The following LCN8 variants were observed in gnomAD, a reference collection of about 807,000 sequenced individuals.
LCN8 encodes epididymal-specific lipocalin-8.
Under a neutral mutation model 22.8 loss-of-function variants are expected in LCN8, and 16 were observed. That is an observed-to-expected ratio of 0.70 (90% CI 0.47 to 1.06). The LOEUF (loss-of-function observed/expected upper bound fraction) is 1.06. Ranked by LOEUF, LCN8 falls within the 50% of genes least tolerant of loss-of-function variation. The pLI, the probability that LCN8 is intolerant of heterozygous loss-of-function variation, is 0.00. For missense variants in LCN8, 189 were observed against 203.3 expected, an observed-to-expected ratio of 0.93 and a Z score of 0.43; for synonymous variants, 92 against 83.4, an observed-to-expected ratio of 1.10 and a Z score of -0.56.
At chr9:136,756,312 G>C in intron 3 of LCN8, 1 of 1,527,556 alleles carries the variant, frequency 6.5e-7, no homozygotes, top group South Asian at 1.2e-5. Context: ...ACAGCATGTG[G>C]AACAGTGCAG....
At chr9:136,758,512 A>G (rs1378652384), upstream of LCN8, 3 of 990,718 alleles carry the variant, frequency 3.0e-6, no homozygotes, top group African/African-American at 5.2e-5. Context: ...AGTGACAGTG[A>G]CAGTGGGGAG....
chr9:136,755,347 G>T lies in LCN8; in HGVS notation c.332-14C>A, dbSNP rs777297730. The T allele has an allele frequency of 2.5e-6, 4 of 1,610,094 alleles. No individual in the cohort carries two copies. The highest frequency in any genetic ancestry group is 1.7e-6 in the Non-Finnish European group (2 of 1,179,932). On this transcript the variant is annotated splice_polypyrimidine_tract_variant and intron_variant, in intron 4 of 6. Transcript: ENST00000371688. ...CAAGGCTCCGAGCTGTGGGGCACAG[G>T]GGGGCTGGGCGGGCAGTCCCTGGGA...
Position 136,758,033 on chromosome 9 carries a change from C to T in LCN8, c.-103G>A. ...CCGGGCTCCGGGTTCCCCTGCTGCA[C>T]AGCCTGGGCCGATTCTATACGGACA... On this transcript the variant is annotated 5_prime_UTR_variant, in exon 1 of 7. In the 5' UTR this introduces an upstream ATG that the reference lacks. Transcript: ENST00000371688. 6.4e-7 allele frequency: 1 copy of T among 1,555,376 alleles called. No individual in the cohort carries two copies. Among genetic ancestry groups the T allele is most frequent in the Non-Finnish European group, 8.7e-7 (1 of 1,152,544 alleles).
Position 136,754,845 on chromosome 9 carries a change from T to A in LCN8, c.447+290A>T. 2.2e-6 allele frequency: 3 copies of A among 1,350,802 alleles called. 1 individual carries two copies. The South Asian group carries it at 6.2e-5, about 28-fold the overall frequency. 83.7% of individuals were successfully genotyped at this position (1,350,802 alleles called of 1,614,324 possible). On this transcript the variant is annotated intron_variant, in intron 6 of 6. Transcript: ENST00000371688. The stretch of plus-strand genomic sequence containing the variant: ...CAGAACACCGAAGAAAAGGCGCCAT[T>A]TCTGCTCCCCTGCCCCACCCAGCTC...
At chr9:136,754,723 G>A (rs1183433934) in intron 6 of LCN8, 8 of 1,406,232 alleles carry the variant, frequency 5.7e-6, no homozygotes, top group African/African-American at 1.5e-5. Context: ...CTGGGTTCTC[G>A]CAGTGCCCAA....
intron 1 of LCN8, chr9:136,757,451 C>G: frequency 7.3e-7 from 1 of 1,365,278 alleles, no homozygotes; most frequent in Non-Finnish European, 9.4e-7. Flanking sequence ...TGCGACATGT[C>G]GGGAGGAACC....
At chr9:136,757,425 CA>C (rs1467716488) in intron 1 of LCN8, 36 of 1,408,242 alleles carry the variant, frequency 2.6e-5, no homozygotes, top group Non-Finnish European at 3.0e-5. Flanking sequence ...AGCTGCGGAA[CA>C]GTCCCTAGGG....
rs758727993 is a variant in LCN8, at chr9:136,755,118, T to A, written c.447+17A>T. Reference sequence around the variant, plus strand: ...CCGGGAACTTCAGCACAGGCCAGGGTCGGGGGTCAGGCTCACCTCCTTCAG... The same window carrying A: ...CCGGGAACTTCAGCACAGGCCAGGGACGGGGGTCAGGCTCACCTCCTTCAG... On this transcript the variant is annotated intron_variant, in intron 6 of 6. Transcript: ENST00000371688. The A allele has an allele frequency of 1.3e-6, 2 of 1,546,388 alleles. No individual in the cohort carries two copies. The highest frequency in any genetic ancestry group is 1.7e-6 in the Non-Finnish European group (2 of 1,145,996).
Position 136,758,071 on chromosome 9 carries a change from G to A in LCN8, c.-141C>T. The A allele has an allele frequency of 6.7e-7, 1 of 1,497,102 alleles. No individual in the cohort carries two copies. Among genetic ancestry groups the A allele is most frequent in the East Asian group, 2.5e-5 (1 of 40,110 alleles). 92.7% of individuals were successfully genotyped at this position (1,497,102 alleles called of 1,614,324 possible). A position where few individuals can be genotyped will look rare whatever the true frequency, so the allele number is the denominator to read the frequency against. On this transcript the variant is annotated 5_prime_UTR_variant, in exon 1 of 7. Coordinates refer to ENST00000371688, the MANE Select transcript of LCN8 (RefSeq NM_178469.4). ...TTCTATACGGACAGTGCAGGCTTGTGCGCCCACCCGGGAATGTCATCAGGA... is the reference window on the plus strand; with the variant it reads ...TTCTATACGGACAGTGCAGGCTTGTACGCCCACCCGGGAATGTCATCAGGA...
intron 6 of LCN8, 27 bp from the exon 7 acceptor site, chr9:136,754,536 G>C: frequency 6.5e-7 from 1 of 1,550,262 alleles, no homozygotes; most frequent in Non-Finnish European, 8.7e-7. Context: ...CAGGGGCTCA[G>C]GCCCGTGTGG....
Position 136,755,235 on chromosome 9 carries a change from T to G in LCN8, c.421+9A>C. Reference sequence around the variant, plus strand: ...AGCCCAGCCTCCACCCCAAGGCCCCTGGGCTCACCAGGCCGGGCCGCCAGG... The same window carrying G: ...AGCCCAGCCTCCACCCCAAGGCCCCGGGGCTCACCAGGCCGGGCCGCCAGG... On this transcript the variant is annotated intron_variant, in intron 5 of 6. Transcript: ENST00000371688. The G allele has an allele frequency of 3.7e-6, 6 of 1,612,570 alleles. No homozygotes were observed. The highest frequency in any genetic ancestry group is 5.1e-6 in the Non-Finnish European group (6 of 1,179,814).
In LCN8 at chr9:136,756,965, C is replaced by T. The variant is rs1847222399; in HGVS notation, c.155+73G>A. 4.6e-6 allele frequency: 7 copies of T among 1,531,214 alleles called. No homozygotes were observed. The South Asian group carries it at 4.7e-5, about 10-fold the overall frequency. The allele number at this position is 1,531,214 out of a possible 1,614,324, so 94.9% of individuals were successfully genotyped here. On this transcript the variant is annotated intron_variant, in intron 2 of 6. Coordinates refer to ENST00000371688, the MANE Select transcript of LCN8 (RefSeq NM_178469.4). ...ACTCAGCCCAGACCCCACGCTGCAG[C>T]GGGTGCAGCAACCCACGCCCAGTCC...
chr9:136,756,534 A>G lies in LCN8; in HGVS notation c.214T>C (p.Phe72Leu). ...VGSEIDSTGK[F>L]AFPGHREIHV... is the part of the protein sequence containing the mutation. Reference sequence around the variant, plus strand: ...CAACTGCACTTACCAGGAAAAGCGAATTTTCCCGTACTGTCTATTTCTGAG... The same window carrying G: ...CAACTGCACTTACCAGGAAAAGCGAGTTTTCCCGTACTGTCTATTTCTGAG... The change falls in exon 3 of 7, where the codon TTC (phenylalanine) becomes CTC (leucine). Residue 72 changes from phenylalanine (F) to leucine (L), a missense_variant. Phe to Leu is a conservative substitution (Grantham distance 22). Coordinates refer to ENST00000371688, the MANE Select transcript of LCN8 (RefSeq NM_178469.4). The G allele has an allele frequency of 6.2e-7, 1 of 1,614,090 alleles. No individual in the cohort carries two copies. Among genetic ancestry groups the G allele is most frequent in the South Asian group, 1.1e-5 (1 of 91,082 alleles).
Position 136,754,795 on chromosome 9 carries a change from G to A in LCN8, c.448-286C>T, listed in dbSNP as rs117814021. On this transcript the variant is annotated intron_variant, in intron 6 of 6. Transcript: ENST00000371688. The stretch of plus-strand genomic sequence containing the variant: ...CCCCGCCGCCGACGGGACCTTCGGG[G>A]GCAGAAGCAGCCGGCAGTCCTGCAC... 1,166 of 1,376,660 alleles carry A rather than the reference G, an allele frequency of 8.5e-4. 14 individuals are homozygous for A. In the East Asian group the frequency reaches 0.027, roughly 32 times the overall value. The allele number at this position is 1,376,660 out of a possible 1,614,324, so 85.3% of individuals were successfully genotyped here. A position where few individuals can be genotyped will look rare whatever the true frequency, so the allele number is the denominator to read the frequency against.
At chr9:136,756,199 C>G (rs772649530) in intron 3 of LCN8, 1 of 1,191,918 alleles carries the variant, frequency 8.4e-7, no homozygotes, top group African/African-American at 2.4e-5. Context: ...TGGGGAACAG[C>G]GCAGGGAACA....
chr9:136,754,680 C>G lies in LCN8; in HGVS notation c.448-171G>C, dbSNP rs894894434. The G allele has an allele frequency of 5.4e-5, 77 of 1,429,348 alleles. No homozygotes were observed. The African/African-American group carries it at 1.0e-3, about 19-fold the overall frequency. 88.5% of individuals were successfully genotyped at this position (1,429,348 alleles called of 1,614,324 possible). A position where few individuals can be genotyped will look rare whatever the true frequency, so the allele number is the denominator to read the frequency against. On this transcript the variant is annotated intron_variant, in intron 6 of 6. Coordinates refer to ENST00000371688, the MANE Select transcript of LCN8 (RefSeq NM_178469.4). ...CAAAATGGGGTAACAGGCCCAGCCT[C>G]TAGGGCCAAGACAAAGCGAGGTGAG... is the stretch of plus-strand genomic sequence containing the variant.
intron 2 of LCN8, 33 bp from the exon 3 acceptor site, chr9:136,756,625 G>A: frequency 6.2e-7 from 1 of 1,609,206 alleles, no homozygotes; most frequent in Non-Finnish European, 8.5e-7. Context: ...TCGGTAAAAT[G>A]CTAGCCTGTG....
At chr9:136,754,984 C>G (rs918304912) in intron 6 of LCN8, 151 bp downstream of exon 6, 14 of 1,419,368 alleles carry the variant, frequency 9.9e-6, no homozygotes, top group Middle Eastern at 2.6e-4. Context: ...GAGCTGCCCA[C>G]CAGTGGTGTT....
At chr9:136,757,384 CAGGGCAGCCCCTCCCCACTGGGCCATCT>C in intron 1 of LCN8, 1 of 1,426,182 alleles carries the variant, frequency 7.0e-7, no homozygotes, top group Non-Finnish European at 9.1e-7. Context: ...GCAATGCCCA[CAGGGCAGCCCCTCCCCACTGGGCCATCT>C]AGAGCTGCGG....
Sources: gnomAD v4.1 joint callset for allele counts on GRCh38, gnomAD v4.1.1 for gene constraint, MANE v1.5 for transcripts, NCBI Gene and HGNC (gene_info 2026-07-23, HGNC 2026-07-21) for gene names.